LRP6: variants seen among roughly 807,000 people sequenced by gnomAD.
LRP6 encodes the protein low-density lipoprotein receptor-related protein 6.
LRP6 carries 43 observed loss-of-function variants against 184.1 expected under a neutral mutation model. The observed-to-expected ratio is 0.23, with a 90% confidence interval of 0.18 to 0.30. The LOEUF (loss-of-function observed/expected upper bound fraction) is 0.30. Among genes scored for constraint, LRP6 ranks in the 10% least tolerant of loss-of-function variants. The pLI, the probability that LRP6 is intolerant of heterozygous loss-of-function variation, is 1.00. For missense variants in LRP6, 1,571 were observed against 2,005.3 expected, an observed-to-expected ratio of 0.78 and a Z score of 4.14; for synonymous variants, 719 against 684.9, an observed-to-expected ratio of 1.05 and a Z score of -0.78.
chr12:12,172,545 G>A (rs565578328), intron 7 of LRP6, among the ~76,000 whole-genome samples: 1 of 152,106 alleles, frequency 6.6e-6, no homozygotes, highest in Non-Finnish European at 1.5e-5. Context: ...TGCTAGAGTT[G>A]GAATGCTATA....
At chr12:12,203,583 G>A (rs1208337932) in intron 2 of LRP6, among the ~76,000 whole-genome samples, 183 bp from the exon 3 acceptor site, 1 of 152,106 alleles carries the variant, frequency 6.6e-6, no homozygotes, top group Non-Finnish European at 1.5e-5. Context: ...TGGCCAACAT[G>A]GTAAAAACCC....
intron 1 of LRP6, among the ~76,000 whole-genome samples, chr12:12,252,953 T>A (rs1326029987): frequency 2.6e-5 from 4 of 152,204 alleles, no homozygotes; most frequent in African/African-American, 9.6e-5. Flanking sequence ...TGACATGTAC[T>A]AGCCACTCTT....
Position 12,165,095 on chromosome 12 carries a change from A to G in LRP6, c.1746T>C (p.Asn582=), listed in dbSNP as rs775997239. The G allele has an allele frequency of 6.2e-7, 1 of 1,613,816 alleles. No individual in the cohort carries two copies. The highest frequency in any genetic ancestry group is 1.1e-5 in the South Asian group (1 of 91,080). Residue 582 remains asparagine (N), a synonymous_variant, in exon 8 of 23, where the codon AAT becomes AAC. Transcript: ENST00000261349. ...GTTACTCACCAATCACTCGATGAAC[A>G]TTTGTAGCCTTTAGGCCCATGAGGT... The part of the protein sequence containing the change: ...LPDLMGLKAT[N]VHRVIGSNPC...
chr12:12,136,626 A>T (rs1949843958), intron 16 of LRP6, among the ~76,000 whole-genome samples: 1 of 152,220 alleles, frequency 6.6e-6, no homozygotes, highest in Non-Finnish European at 1.5e-5. Context: ...ATCTAATATA[A>T]GCCACCATTT....
chr12:12,245,177 C>T (rs765398205), intron 1 of LRP6, among the ~76,000 whole-genome samples: 5 of 152,104 alleles, frequency 3.3e-5, no homozygotes, highest in African/African-American at 4.8e-5. Flanking sequence ...TTGTAATAAC[C>T]CAAACTGGAA....
intron 1 of LRP6, chr12:12,249,412 A>AT (rs1253320280): frequency 8.6e-6 from 7 of 818,294 alleles, no homozygotes; most frequent in Non-Finnish European, 1.3e-5. Context: ...CACCTCAAGG[A>AT]CAGTGTTACA....
chr12:12,258,365 G>A (rs1217388181), intron 1 of LRP6, among the ~76,000 whole-genome samples: 1 of 152,164 alleles, frequency 6.6e-6, no homozygotes, highest in African/African-American at 2.4e-5. Flanking sequence ...GCCTCCTAAA[G>A]AGATGGGATT....
intron 7 of LRP6, among the ~76,000 whole-genome samples, chr12:12,175,941 A>G (rs1863171375): frequency 6.6e-6 from 1 of 151,994 alleles, no homozygotes; most frequent in Non-Finnish European, 1.5e-5. Context: ...AAACCTATAA[A>G]TTATCAACGA....
chr12:12,266,958 C>CCATCCCGCCG lies in LRP6; in HGVS notation c.-233_-224dup. 1 of 551,970 alleles carries CCATCCCGCCG rather than the reference C, an allele frequency of 1.8e-6. No individual in the cohort carries two copies. The highest frequency in any genetic ancestry group is 3.2e-6 in the Non-Finnish European group (1 of 316,654). The allele number at this position is 551,970 out of a possible 1,614,324, so 34.2% of individuals were successfully genotyped here. A position where few individuals can be genotyped will look rare whatever the true frequency, so the allele number is the denominator to read the frequency against. Reference sequence around the variant, plus strand: ...GCTCGCGCGACGCCAGCGTCTGCTTCCATCCCGCCGCCTCCTCCCCCGGCG... The same window carrying CCATCCCGCCG: ...GCTCGCGCGACGCCAGCGTCTGCTTCCATCCCGCCGCATCCCGCCGCCTCCTCCCCCGGCG... On this transcript the variant is annotated 5_prime_UTR_variant, in exon 1 of 23. The change creates a new upstream start codon in the 5' untranslated region. Transcript: ENST00000261349.
chr12:12,131,098 T>G lies in LRP6; in HGVS notation c.3971-205A>C, dbSNP rs1387087562. Among the ~76,000 whole-genome samples, 114 of 34,454 alleles carry G rather than the reference T, an allele frequency of 3.3e-3. 1 individual carries two copies. The highest frequency in any genetic ancestry group is 7.6e-3 in the Admixed American group (16 of 2,114). 22.6% of individuals were successfully genotyped at this position (34,454 alleles called of 152,430 possible). ...AAATCCAGCAGGAAATTTCCTAACA[T>G]TTTTTTTTTTTTTTTTTTTTTTTTT... On this transcript the variant is annotated intron_variant, in intron 18 of 22. Transcript: ENST00000261349.
In LRP6 at chr12:12,209,311, G is replaced by T. The variant is rs982594831; in HGVS notation, c.450-5911C>A. 6.6e-5 allele frequency among the ~76,000 whole-genome samples: 10 copies of T among 152,226 alleles called. 1 individual carries two copies. Among genetic ancestry groups the T allele is most frequent in the Admixed American group, 5.9e-4 (9 of 15,284 alleles). On this transcript the variant is annotated intron_variant, in intron 2 of 22. Transcript: ENST00000261349. ...TATGGTGAAATAAAATGTTACAAATGAGTGAGTCAACCTAACAAGATTTTA... is the reference window on the plus strand; with the variant it reads ...TATGGTGAAATAAAATGTTACAAATTAGTGAGTCAACCTAACAAGATTTTA...
At chr12:12,124,478 G>A (rs993063417) in intron 22 of LRP6, 87 bp downstream of exon 22, 38 of 887,716 alleles carry the variant, frequency 4.3e-5, no homozygotes, top group African/African-American at 3.6e-4. Context: ...GGTGACCATC[G>A]TCTACTCATT....
intron 1 of LRP6, among the ~76,000 whole-genome samples, chr12:12,251,559 A>G (rs1400699199): frequency 2.0e-5 from 3 of 151,720 alleles, no homozygotes; most frequent in Admixed American, 1.3e-4. Context: ...TAGTAGAGAC[A>G]GGGTTTCACC....
chr12:12,249,926 A>T (rs771268893), intron 1 of LRP6, among the ~76,000 whole-genome samples: 1 of 152,172 alleles, frequency 6.6e-6, no homozygotes, highest in Non-Finnish European at 1.5e-5. Flanking sequence ...CCTTACTGGC[A>T]TGCCTTGGAG....
intron 18 of LRP6, among the ~76,000 whole-genome samples, chr12:12,131,098 T>C (rs1387087562): frequency 2.9e-5 from 1 of 34,430 alleles, no homozygotes; most frequent in African/African-American, 6.3e-5. Context: ...TTTCCTAACA[T>C]TTTTTTTTTT....
At chr12:12,229,407 TCA>T in intron 2 of LRP6, among the ~76,000 whole-genome samples, 1 of 147,102 alleles carries the variant, frequency 6.8e-6, no homozygotes, top group East Asian at 2.1e-4. Context: ...GAAGAATATC[TCA>T]CACTGAGACT....
At chr12:12,143,247 A>C (rs1949958254) in intron 15 of LRP6, among the ~76,000 whole-genome samples, 1 of 152,180 alleles carries the variant, frequency 6.6e-6, no homozygotes, top group African/African-American at 2.4e-5. Context: ...AAATTATAAA[A>C]CATTAAGAGA....
intron 2 of LRP6, among the ~76,000 whole-genome samples, chr12:12,227,409 C>T (rs1591966191): frequency 1.4e-5 from 2 of 139,800 alleles, no homozygotes; most frequent in South Asian, 4.6e-4. Context: ...CTTTCTTTTC[C>T]TTTTTTTTTT....
At chr12:12,256,541 C>T (rs1035759006) in intron 1 of LRP6, among the ~76,000 whole-genome samples, 23 of 152,016 alleles carry the variant, frequency 1.5e-4, no homozygotes, top group Non-Finnish European at 3.1e-4. Flanking sequence ...AGAGTGGTGG[C>T]TCATGCCTGT....
Sources: allele counts gnomAD v4.1 joint callset (sites outside exome capture counted in the v4.1 genomes callset), GRCh38; gene constraint gnomAD v4.1.1; transcripts MANE v1.5; gene names NCBI Gene and HGNC (gene_info 2026-07-23, HGNC 2026-07-21).